Variants in SULF1 observed in about 807,000 individuals in gnomAD.
SULF1 encodes the protein sulfatase 1, also known as extracellular sulfatase Sulf-1.
A neutral mutation model predicts 110.5 loss-of-function variants in SULF1; 46 were observed. That is an observed-to-expected ratio of 0.42 (90% CI 0.33 to 0.53). The LOEUF (loss-of-function observed/expected upper bound fraction) is 0.53. Ranked by LOEUF, SULF1 falls within the 20% of genes least tolerant of loss-of-function variation. SULF1 has a pLI of 0.12. For missense variants in SULF1, 941 were observed against 1,094.2 expected (o/e 0.86, Z 1.98); for synonymous variants, 371 against 387.1 (o/e 0.96, Z 0.49).
Position 69,563,590 on chromosome 8 carries a change from C to T in SULF1, c.-82C>T, listed in dbSNP as rs1252346359. On this transcript the variant is annotated 5_prime_UTR_variant, in exon 4 of 23. Transcript: ENST00000402687. Reference sequence around the variant, plus strand: ...CCTCTGAGAATAGAGATTGATTATTCAACCAGGATACCTAATTCAAGGTAT... The same window carrying T: ...CCTCTGAGAATAGAGATTGATTATTTAACCAGGATACCTAATTCAAGGTAT... The T allele has an allele frequency of 5.8e-6, 1 of 172,102 alleles. No homozygotes were observed. The highest frequency in any genetic ancestry group is 1.2e-5 in the Non-Finnish European group (1 of 80,082). The allele number at this position is 172,102 out of a possible 1,614,324, so 10.7% of individuals were successfully genotyped here. A position where few individuals can be genotyped will look rare whatever the true frequency, so the allele number is the denominator to read the frequency against.
chr8:69,657,033 T>C (rs1812786813), intron 22 of SULF1, among the ~76,000 whole-genome samples: 1 of 152,230 alleles, frequency 6.6e-6, no homozygotes. Context: ...CATGAGATGG[T>C]ATCTCATTGT....
At chr8:69,543,984 C>T (rs1053215718) in intron 3 of SULF1, among the ~76,000 whole-genome samples, 29 of 152,182 alleles carry the variant, frequency 1.9e-4, no homozygotes, top group African/African-American at 7.0e-4. Flanking sequence ...ACAGGAAACA[C>T]TTTGAGGATC....
At position 69,603,183 on chromosome 8, in the gene SULF1, C is replaced by T. The variant is rs766787840; in HGVS notation, c.1062-9C>T. 53 of 1,613,954 alleles carry T rather than the reference C, an allele frequency of 3.3e-5. 2 individuals carry two copies. In the South Asian group the frequency reaches 4.2e-4, roughly 13 times the overall value. ...TGGATCTCAGCCATCACCGTGTGCC[C>T]CTTTACAGAGTCCCACAGATCGTTC... On this transcript the variant is annotated splice_polypyrimidine_tract_variant and intron_variant, in intron 10 of 22. Coordinates refer to ENST00000402687, the MANE Select transcript of SULF1 (RefSeq NM_001128205.2).
chr8:69,616,226 A>T (rs184444663), intron 13 of SULF1, among the ~76,000 whole-genome samples: 6,672 of 143,040 alleles, frequency 0.047, 330 homozygotes, highest in African/African-American at 0.11. Flanking sequence ...ATATATATAT[A>T]TATATTTTTT....
intron 15 of SULF1, among the ~76,000 whole-genome samples, chr8:69,624,745 G>A (rs916522934): frequency 5.3e-5 from 8 of 152,164 alleles, no homozygotes; most frequent in Non-Finnish European, 1.0e-4. Flanking sequence ...AACCAGTCCC[G>A]GATCACAGAG....
At chr8:69,564,678 T>G (rs1815740826) in intron 5 of SULF1, among the ~76,000 whole-genome samples, 1 of 152,238 alleles carries the variant, frequency 6.6e-6, no homozygotes, top group Non-Finnish European at 1.5e-5. Flanking sequence ...ATATGATGCT[T>G]TTTTATTTAG....
chr8:69,479,005 G>C (rs1016480274), intron 1 of SULF1, among the ~76,000 whole-genome samples: 1 of 152,128 alleles, frequency 6.6e-6, no homozygotes, highest in Non-Finnish European at 1.5e-5. Context: ...TTGACAATGT[G>C]GAAGGCACCA....
rs75969875 is a variant in SULF1, at chr8:69,544,654, A to G, written c.-133-18885A>G. On this transcript the variant is annotated intron_variant, in intron 3 of 22. Coordinates refer to ENST00000402687, the MANE Select transcript of SULF1 (RefSeq NM_001128205.2). ...GCTATTCAGTGAAGGCAGAATTCCT[A>G]TTTTCAACTGAAAATAAAAGTCCTA... Among the ~76,000 whole-genome samples, 611 of 152,262 alleles carry G rather than the reference A, an allele frequency of 4.0e-3. 6 individuals carry two copies. The highest frequency in any genetic ancestry group is 0.014 in the African/African-American group (589 of 41,538).
chr8:69,515,964 T>C (rs1811895368), intron 3 of SULF1, among the ~76,000 whole-genome samples: 1 of 152,206 alleles, frequency 6.6e-6, no homozygotes, highest in Non-Finnish European at 1.5e-5. Context: ...ACTATCCATA[T>C]CACTATCAGC....
At chr8:69,566,991 A>G (rs1428922733) in intron 5 of SULF1, among the ~76,000 whole-genome samples, 1 of 152,344 alleles carries the variant, frequency 6.6e-6, no homozygotes, top group Middle Eastern at 3.4e-3. Flanking sequence ...TGTGAAACCC[A>G]GACCTGTATT....
In SULF1 at chr8:69,604,807, T is replaced by C. The variant is rs1563577382; in HGVS notation, c.1252T>C (p.Phe418Leu). 1 of 1,613,624 alleles carries C rather than the reference T, an allele frequency of 6.2e-7. No homozygotes were observed. Among genetic ancestry groups the C allele is most frequent in the Non-Finnish European group, 8.5e-7 (1 of 1,179,934 alleles). The change falls in exon 13 of 23, where the codon TTT (phenylalanine) becomes CTT (leucine). Residue 418 changes from phenylalanine to leucine, a missense_variant. Coordinates refer to ENST00000402687, the MANE Select transcript of SULF1 (RefSeq NM_001128205.2). The part of the protein sequence containing the change: ...RDTFLVERGK[F>L]LRKKEESSKN... Reference sequence around the variant, plus strand: ...GCTTTTCCCTTTTTGTCGAAGCAAATTTCTACGTAAGAAGGAAGAATCCAG... The same window carrying C: ...GCTTTTCCCTTTTTGTCGAAGCAAACTTCTACGTAAGAAGGAAGAATCCAG...
chr8:69,653,354 G>A (rs936666729), intron 22 of SULF1, among the ~76,000 whole-genome samples: 1 of 152,198 alleles, frequency 6.6e-6, no homozygotes, highest in African/African-American at 2.4e-5. Flanking sequence ...ACAGGCATGA[G>A]CCACATCTCT....
chr8:69,600,562 G>C, intron 8 of SULF1, 41 bp from the exon 9 acceptor site: 1 of 1,531,076 alleles, frequency 6.5e-7, no homozygotes, highest in Non-Finnish European at 8.9e-7. Context: ...AAAAGACTAA[G>C]TAAGAAATAT....
intron 8 of SULF1, among the ~76,000 whole-genome samples, chr8:69,589,531 T>C (rs951326679): frequency 6.6e-6 from 1 of 152,234 alleles, no homozygotes; most frequent in African/African-American, 2.4e-5. Flanking sequence ...CTGGTCTGGT[T>C]ATAGAAACAT....
chr8:69,595,134 A>G (rs1295022158), intron 8 of SULF1, among the ~76,000 whole-genome samples: 1 of 152,250 alleles, frequency 6.6e-6, no homozygotes, highest in African/African-American at 2.4e-5. Context: ...TAGAGATACT[A>G]CAATTCCGTA....
rs533381887 is a variant in SULF1, at chr8:69,618,201, C to T, written c.1378-2834C>T. Among the ~76,000 whole-genome samples, 3 of 152,292 alleles carry T rather than the reference C, an allele frequency of 2.0e-5. No homozygotes were observed. In the South Asian group the frequency reaches 6.2e-4, roughly 32 times the overall value. ...TAAGTTAAATCATCTCTAACTTAGT[C>T]CTTAGGCTGTTCTTGTTTGTGTTGC... On this transcript the variant is annotated intron_variant, in intron 13 of 22. Coordinates refer to ENST00000402687, the MANE Select transcript of SULF1 (RefSeq NM_001128205.2).
At chr8:69,498,255 C>T in intron 2 of SULF1, among the ~76,000 whole-genome samples, 1 of 152,212 alleles carries the variant, frequency 6.6e-6, no homozygotes. Flanking sequence ...AGCTAGGCCA[C>T]TGGCTTCCTG....
At chr8:69,625,762 C>T (rs1281311484) in intron 15 of SULF1, among the ~76,000 whole-genome samples, 1 of 152,154 alleles carries the variant, frequency 6.6e-6, no homozygotes, top group East Asian at 1.9e-4. Context: ...AGCGAAAGAA[C>T]GGAGCTTCCA....
chr8:69,472,507 G>C lies in SULF1; in HGVS notation c.-391+5557G>C, dbSNP rs1405884097. 4.6e-5 allele frequency among the ~76,000 whole-genome samples: 7 copies of C among 152,332 alleles called. No individual in the cohort carries two copies. In the South Asian group the frequency reaches 8.3e-4, roughly 18 times the overall value. On this transcript the variant is annotated intron_variant, in intron 1 of 22. Coordinates refer to the SULF1 transcript ENST00000260128. ...TTTCCCTGGAAGGGCAGCTGACTGT[G>C]AAATTCTCTAACAAGGCACTGAATG...
Sources: allele counts gnomAD v4.1 joint callset (sites outside exome capture counted in the v4.1 genomes callset), GRCh38; gene constraint gnomAD v4.1.1; transcripts MANE v1.5; gene names NCBI Gene and HGNC (gene_info 2026-07-23, HGNC 2026-07-21).